Variants in KCTD10 observed in about 807,000 individuals in gnomAD.
KCTD10 encodes potassium channel tetramerization domain containing 10, also known as BTB/POZ domain-containing adapter for CUL3-mediated RhoA degradation protein 3.
KCTD10 carries 13 observed loss-of-function variants against 34.6 expected under a neutral mutation model. That is an observed-to-expected ratio of 0.38 (90% CI 0.24 to 0.60). The LOEUF (loss-of-function observed/expected upper bound fraction) is 0.60. Among genes scored for constraint, KCTD10 ranks in the 20% least tolerant of loss-of-function variants. The pLI is 0.66. For missense variants in KCTD10, 256 were observed against 420.3 expected (o/e 0.61, Z 3.42); for synonymous variants, 156 against 168.8 (o/e 0.92, Z 0.59).
chr12:109,475,401 A>G (rs1874113886), intron 1 of KCTD10, among the ~76,000 whole-genome samples: 2 of 152,124 alleles, frequency 1.3e-5, no homozygotes, highest in South Asian at 4.1e-4. Context: ...TGCTTGAGGC[A>G]GGGAAGGTGA....
intron 1 of KCTD10, 139 bp downstream of exon 1, chr12:109,477,118 CTAA>C: frequency 1.0e-6 from 1 of 999,820 alleles, no homozygotes; most frequent in Non-Finnish European, 1.4e-6. Context: ...GGCCTTTCCC[CTAA>C]CCAATCCCCC....
chr12:109,472,871 A>G (rs2135682774), intron 1 of KCTD10, among the ~76,000 whole-genome samples: 1 of 152,296 alleles, frequency 6.6e-6, no homozygotes, highest in African/African-American at 2.4e-5. Context: ...TTTTAAAGAT[A>G]ATTTGCACAT....
intron 1 of KCTD10, 65 bp downstream of exon 1, chr12:109,477,187 TTCTTATAC>T (rs970836624): frequency 6.3e-7 from 1 of 1,581,100 alleles, no homozygotes; most frequent in African/African-American, 1.4e-5. Context: ...TCTCGGTCCC[TTCTTATAC>T]TCTGCTGCTG....
intron 5 of KCTD10, 45 bp from the exon 6 acceptor site, chr12:109,456,358 T>C: frequency 6.4e-7 from 1 of 1,574,574 alleles, no homozygotes; most frequent in South Asian, 1.1e-5. Context: ...TGGTAAAAAC[T>C]GCCATCATTT....
At chr12:109,452,854 T>TTTTTTTTTTTTTTTAA (rs1228946105) in intron 6 of KCTD10, among the ~76,000 whole-genome samples, 2 of 151,150 alleles carry the variant, frequency 1.3e-5, no homozygotes, top group African/African-American at 4.9e-5. Flanking sequence ...CCTTTTTTTT[T>TTTTTTTTTTTTTTTAA]AAAAGATATG....
At chr12:109,470,297 T>C in intron 1 of KCTD10, 1 of 985,426 alleles carries the variant, frequency 1.0e-6, no homozygotes, top group Non-Finnish European at 1.2e-6. Context: ...TATCACTTCC[T>C]GTAGGGAGAA....
chr12:109,450,172 C>A lies in KCTD10; in HGVS notation c.*1423G>T, dbSNP rs887318444. 5 of 398,328 alleles carry A rather than the reference C, an allele frequency of 1.3e-5. No homozygotes were observed. The highest frequency in any genetic ancestry group is 1.0e-4 in the African/African-American group (5 of 48,634). 24.7% of individuals were successfully genotyped at this position (398,328 alleles called of 1,614,324 possible). On this transcript the variant is annotated 3_prime_UTR_variant, in exon 7 of 7. Transcript: ENST00000228495. ...AAACGGTAACGATTCCCTTGACAAACCCATCCATCACCTGACGCACATTCA... is the reference window on the plus strand; with the variant it reads ...AAACGGTAACGATTCCCTTGACAAAACCATCCATCACCTGACGCACATTCA...
chr12:109,461,521 G>A (rs935621293), intron 2 of KCTD10, among the ~76,000 whole-genome samples: 1 of 152,138 alleles, frequency 6.6e-6, no homozygotes, highest in African/African-American at 2.4e-5. Flanking sequence ...CTTGGGGGTG[G>A]GGGCCAGGAA....
At chr12:109,468,343 C>T (rs1440110544) in intron 2 of KCTD10, among the ~76,000 whole-genome samples, 5 of 152,094 alleles carry the variant, frequency 3.3e-5, no homozygotes, top group Admixed American at 3.3e-4. Context: ...GCTTAGGTCC[C>T]CCAATCCCAC....
At chr12:109,468,854 T>A (rs1873728652) in intron 2 of KCTD10, among the ~76,000 whole-genome samples, 1 of 151,930 alleles carries the variant, frequency 6.6e-6, no homozygotes, top group Non-Finnish European at 1.5e-5. Context: ...GGGTTTCACC[T>A]TGTTAGCCAG....
At chr12:109,456,675 C>T (rs2135645718) in intron 5 of KCTD10, 1 of 349,274 alleles carries the variant, frequency 2.9e-6, no homozygotes, top group Non-Finnish European at 5.5e-6. Context: ...AATGGCACTG[C>T]CCAAGGGAGA....
intron 2 of KCTD10, among the ~76,000 whole-genome samples, chr12:109,464,627 C>T (rs952984609): frequency 6.6e-6 from 1 of 152,256 alleles, no homozygotes; most frequent in Non-Finnish European, 1.5e-5. Flanking sequence ...AGTATATGAA[C>T]TTTTGCAAAG....
At chr12:109,452,068 C>T (rs988131114) in intron 6 of KCTD10, among the ~76,000 whole-genome samples, 9 of 152,206 alleles carry the variant, frequency 5.9e-5, no homozygotes, top group Non-Finnish European at 1.2e-4. Context: ...AGTTTCTCAT[C>T]ATTTTACCCT....
At chr12:109,475,457 C>A (rs185197165) in intron 1 of KCTD10, among the ~76,000 whole-genome samples, 1 of 152,244 alleles carries the variant, frequency 6.6e-6, no homozygotes, top group African/African-American at 2.4e-5. Context: ...CCAGCCTGGG[C>A]GACAGAGCAA....
chr12:109,456,433 A>T, intron 5 of KCTD10, 120 bp from the exon 6 acceptor site: 1 of 804,466 alleles, frequency 1.2e-6, no homozygotes, highest in Non-Finnish European at 2.1e-6. Context: ...TTTCAACCTC[A>T]CAATAATCCC....
Position 109,451,589 on chromosome 12 carries a change from G to C in KCTD10, c.*6C>G, listed in dbSNP as rs371507611. On this transcript the variant is annotated 3_prime_UTR_variant, in exon 7 of 7. Coordinates refer to ENST00000228495, the MANE Select transcript of KCTD10 (RefSeq NM_031954.5). This position sits in a 1 kb window ranked among gnomAD's most constrained non-coding sequence, Gnocchi z 5.0. The stretch of plus-strand genomic sequence containing the variant: ...TGAGAGGAGGGCGGCTCGGTCTCTT[G>C]CCTGCTCACTGGTGGAGGTGGGCCC... 1.2e-5 allele frequency: 20 copies of C among 1,602,328 alleles called. No homozygotes were observed. The African/African-American group carries it at 2.4e-4, about 19-fold the overall frequency.
chr12:109,460,540 G>C lies in KCTD10; in HGVS notation c.387+96C>G. ...ATTAACTCTCACAACATCTCAGTCA[G>C]ACAGAAACTGCCCCCATTTTGCAGA... On this transcript the variant is annotated intron_variant, in intron 3 of 6. Coordinates refer to ENST00000228495, the MANE Select transcript of KCTD10 (RefSeq NM_031954.5). This position sits in a 1 kb window ranked among gnomAD's most constrained non-coding sequence, Gnocchi z 4.5. 3 of 1,328,828 alleles carry C rather than the reference G, an allele frequency of 2.3e-6. No homozygotes were observed. Among genetic ancestry groups the C allele is most frequent in the Non-Finnish European group, 3.1e-6 (3 of 952,420 alleles). 82.3% of individuals were successfully genotyped at this position (1,328,828 alleles called of 1,614,324 possible). A position where few individuals can be genotyped will look rare whatever the true frequency, so the allele number is the denominator to read the frequency against.
chr12:109,460,688 G>C lies in KCTD10; in HGVS notation c.335C>G (p.Ala112Gly). Reference sequence around the variant, plus strand: ...CAGGCCTTGGACTAGGTAGTACTTGGCTTCTGCTAGCAGCTCCTCGATCTC... The same window carrying C: ...CAGGCCTTGGACTAGGTAGTACTTGCCTTCTGCTAGCAGCTCCTCGATCTC... ...RREIEELLAEAKYYLVQGLVE... is the reference protein window; with the variant it reads ...RREIEELLAEGKYYLVQGLVE... The change falls in exon 3 of 7, where the codon GCC becomes GGC. Residue 112 changes from alanine (A) to glycine (G), a missense_variant. Physicochemically the swap from Ala to Gly is moderately conservative, Grantham distance 60. Coordinates refer to ENST00000228495, the MANE Select transcript of KCTD10 (RefSeq NM_031954.5). This position sits in a 1 kb window ranked among gnomAD's most constrained non-coding sequence, Gnocchi z 4.5. 1 of 1,614,164 alleles carries C rather than the reference G, an allele frequency of 6.2e-7. No homozygotes were observed. The highest frequency in any genetic ancestry group is 1.1e-5 in the South Asian group (1 of 91,080).
Position 109,451,744 on chromosome 12 carries a change from G to C in KCTD10, c.793C>G (p.Arg265Gly), listed in dbSNP as rs143606895. Reference protein sequence around the residue: ...NILLYEAQDGRGPDNALLEAT... With the variant: ...NILLYEAQDGGGPDNALLEAT... The stretch of plus-strand genomic sequence containing the variant: ...TCCAGGAGCGCATTGTCAGGTCCCC[G>C]GCCATCCTGGGCCTCATACAGCAAA... The change falls in exon 7 of 7, where the codon CGG becomes GGG. Residue 265 changes from arginine to glycine, a missense_variant. Transcript: ENST00000228495. The surrounding 1 kb of genome is among the most constrained non-coding windows in gnomAD (Gnocchi z 5.0). The C allele has an allele frequency of 6.2e-7, 1 of 1,614,136 alleles. No individual in the cohort carries two copies. Among genetic ancestry groups the C allele is most frequent in the African/African-American group, 1.3e-5 (1 of 75,054 alleles).
Sources: allele counts gnomAD v4.1 joint callset (sites outside exome capture counted in the v4.1 genomes callset), GRCh38; gene constraint gnomAD v4.1.1; non-coding constraint Gnocchi (gnomAD v3.1); transcripts MANE v1.5; gene names NCBI Gene and HGNC (gene_info 2026-07-23, HGNC 2026-07-21).